GLIS3: variants seen among roughly 807,000 people sequenced by gnomAD.
GLIS3 encodes the protein GLIS family zinc finger 3.
Under a neutral mutation model 78.6 loss-of-function variants are expected in GLIS3, and 53 were observed. The observed-to-expected ratio is 0.67, with a 90% CI of 0.54 to 0.85. The LOEUF (loss-of-function observed/expected upper bound fraction) is 0.85, where lower values mean the gene tolerates loss of function less well. GLIS3 is among the 40% of genes least tolerant of loss of function. The probability of loss-of-function intolerance (pLI) is 0.00; values close to 1 mark genes in which losing one functional copy is unlikely to be tolerated. For synonymous variants in GLIS3, 684 were observed against 509.9 expected (o/e 1.34, Z -4.60); for missense variants, 1,703 against 1,231.1 (o/e 1.38, Z -5.74).
At chr9:4,198,193 G>C (rs531769619) in intron 2 of GLIS3, among the ~76,000 whole-genome samples, 77 of 152,246 alleles carry the variant, frequency 5.1e-4, no homozygotes, top group African/African-American at 1.8e-3. Flanking sequence ...AGAATTCAAA[G>C]CATGGATTGC....
At chr9:4,021,910 C>A (rs537945967) in intron 4 of GLIS3, among the ~76,000 whole-genome samples, 1 of 152,208 alleles carries the variant, frequency 6.6e-6, no homozygotes, top group South Asian at 2.1e-4. Flanking sequence ...ATTTGGGTAC[C>A]CTCCTTAGCC....
chr9:4,192,036 A>C (rs910725316), intron 2 of GLIS3, among the ~76,000 whole-genome samples: 1 of 152,162 alleles, frequency 6.6e-6, no homozygotes. Context: ...AAAGGGCCAT[A>C]ATCTTTCCAA....
chr9:4,479,464 T>G, the GLIS3 span, among the ~76,000 whole-genome samples: 82,576 of 151,796 alleles, frequency 0.54, 23,978 homozygotes, highest in Middle Eastern at 0.67. Context: ...ACACCTCACT[T>G]CAAGGCCTAC....
intron 6 of GLIS3, among the ~76,000 whole-genome samples, chr9:3,899,753 G>A (rs1823144809): frequency 6.6e-6 from 1 of 152,158 alleles, no homozygotes; most frequent in Non-Finnish European, 1.5e-5. Flanking sequence ...TATTTATTAA[G>A]TGTTTGTTAC....
intron 4 of GLIS3, among the ~76,000 whole-genome samples, chr9:3,943,528 C>T (rs1159252156): frequency 6.6e-6 from 1 of 152,110 alleles, no homozygotes; most frequent in Non-Finnish European, 1.5e-5. Context: ...AAGGTTCTAC[C>T]CAGAGTAATA....
chr9:4,209,677 T>A (rs1221942800), intron 2 of GLIS3, among the ~76,000 whole-genome samples: 1 of 152,182 alleles, frequency 6.6e-6, no homozygotes, highest in East Asian at 1.9e-4. Context: ...ATCATGTTCC[T>A]CTCTGCCAGG....
In GLIS3 at chr9:4,118,277, C is replaced by A; in HGVS notation, c.1201G>T (p.Gly401Cys). 1 of 1,585,028 alleles carries A rather than the reference C, an allele frequency of 6.3e-7. No individual in the cohort carries two copies. Among genetic ancestry groups the A allele is most frequent in the Non-Finnish European group, 8.6e-7 (1 of 1,166,728 alleles). The change falls in exon 4 of 11, where the codon GGC becomes TGC. Residue 401 changes from glycine to cysteine, a missense_variant. Coordinates refer to ENST00000381971, the MANE Select transcript of GLIS3 (RefSeq NM_001042413.2). The surrounding 1 kb of genome is among the most constrained non-coding windows in gnomAD (Gnocchi z 4.7). Reference protein sequence around the residue: ...EHERMQQLEHGGLQPGLVNHM... With the variant: ...EHERMQQLEHCGLQPGLVNHM... Reference sequence around the variant, plus strand: ...TTGACCAGGCCTGGCTGCAGGCCGCCGTGCTCCAGCTGTTGCATGCGCTCG... The same window carrying A: ...TTGACCAGGCCTGGCTGCAGGCCGCAGTGCTCCAGCTGTTGCATGCGCTCG...
intron 4 of GLIS3, among the ~76,000 whole-genome samples, chr9:4,080,122 T>A (rs943283833): frequency 6.6e-6 from 1 of 152,234 alleles, no homozygotes; most frequent in South Asian, 2.1e-4. Context: ...CCCCCCTGGC[T>A]TTATGACTGG....
chr9:4,331,234 G>A (rs906410907), intron 2 of GLIS3, among the ~76,000 whole-genome samples: 4 of 152,162 alleles, frequency 2.6e-5, no homozygotes, highest in African/African-American at 7.2e-5. Flanking sequence ...TCCTTGGCTT[G>A]TGGCAGCATA....
chr9:3,860,992 G>T (rs1047618214), intron 8 of GLIS3, among the ~76,000 whole-genome samples: 4 of 152,182 alleles, frequency 2.6e-5, no homozygotes, highest in Non-Finnish European at 4.4e-5. Flanking sequence ...AAAACATGGA[G>T]ACAGCAAAGG....
chr9:4,427,766 C>A, the GLIS3 span, among the ~76,000 whole-genome samples: 1 of 151,560 alleles, frequency 6.6e-6, no homozygotes, highest in Non-Finnish European at 1.5e-5. Context: ...GGCTGAGGCA[C>A]AAGAATCGCT....
chr9:3,850,284 G>T (rs986875065), intron 9 of GLIS3, among the ~76,000 whole-genome samples: 1 of 152,188 alleles, frequency 6.6e-6, no homozygotes, highest in African/African-American at 2.4e-5. Flanking sequence ...TGAAGGCCAC[G>T]CAAGGCTGGA....
Position 4,118,813 on chromosome 9 carries a change from C to T in GLIS3, c.665G>A (p.Ser222Asn). The T allele has an allele frequency of 6.2e-7, 1 of 1,608,852 alleles. No homozygotes were observed. Among genetic ancestry groups the T allele is most frequent in the Non-Finnish European group, 8.5e-7 (1 of 1,180,006 alleles). ...GCCCTGGGACCACTCCTGCTTCATG[C>T]TTGAGGCCGACTGACTTTCCGTCAG... ...LSLTESQSAS[S>N]MKQEWSQGYR... The change falls in exon 4 of 11, where the codon AGC becomes AAC. Residue 222 changes from serine to asparagine, a missense_variant. Transcript: ENST00000381971. This position sits in a 1 kb window ranked among gnomAD's most constrained non-coding sequence, Gnocchi z 4.7.
the GLIS3 span, among the ~76,000 whole-genome samples, chr9:4,377,324 A>G: frequency 7.5e-3 from 1,014 of 135,412 alleles, 158 homozygotes; most frequent in African/African-American, 0.025. Flanking sequence ...TCTTTCTCCC[A>G]TGCTGGATGC....
chr9:4,226,467 A>C (rs972304097), intron 2 of GLIS3, among the ~76,000 whole-genome samples: 3 of 152,166 alleles, frequency 2.0e-5, no homozygotes, highest in African/African-American at 7.2e-5. Flanking sequence ...CTCCCAAGAG[A>C]AAGTTAGGGT....
At chr9:4,222,107 T>C (rs1167146724) in intron 2 of GLIS3, among the ~76,000 whole-genome samples, 1 of 152,178 alleles carries the variant, frequency 6.6e-6, no homozygotes, top group Non-Finnish European at 1.5e-5. Flanking sequence ...CAGTAACACC[T>C]CTGGACTCCC....
chr9:3,911,475 T>A (rs1456531251), intron 6 of GLIS3, among the ~76,000 whole-genome samples: 1 of 152,160 alleles, frequency 6.6e-6, no homozygotes, highest in Admixed American at 6.5e-5. Flanking sequence ...GATTAAAACA[T>A]CATCTGGCAT....
At chr9:4,375,193 G>A in the GLIS3 span, among the ~76,000 whole-genome samples, 2 of 152,076 alleles carry the variant, frequency 1.3e-5, no homozygotes, top group African/African-American at 4.8e-5. Flanking sequence ...AATCAGCCTC[G>A]TTCAAAAGAG....
chr9:4,010,105 A>T (rs534355642), intron 4 of GLIS3, among the ~76,000 whole-genome samples: 1 of 152,264 alleles, frequency 6.6e-6, no homozygotes, highest in Admixed American at 6.5e-5. Context: ...GCAATCAAAA[A>T]TATCTCCAGG....
Sources: gnomAD v4.1 joint callset for allele counts (sites outside exome capture counted in the v4.1 genomes callset) on GRCh38, gnomAD v4.1.1 for gene constraint, Gnocchi (gnomAD v3.1) non-coding constraint, MANE v1.5 for transcripts, NCBI Gene and HGNC (gene_info 2026-07-23, HGNC 2026-07-21) for gene names.